MARCHF1: variants seen among roughly 807,000 people sequenced by gnomAD.
MARCHF1 encodes the protein membrane associated ring-CH-type finger 1.
Under a neutral mutation model 54.2 loss-of-function variants are expected in MARCHF1, and 40 were observed. The observed-to-expected ratio is 0.74, with a 90% CI of 0.57 to 0.96. The LOEUF (loss-of-function observed/expected upper bound fraction) is 0.96, where lower values mean the gene tolerates loss of function less well. MARCHF1 is among the 40% of genes least tolerant of loss of function. The pLI is 0.00. For synonymous variants in MARCHF1, 236 were observed against 236.3 expected, an observed-to-expected ratio of 1.00 and a Z score of 0.01; for missense variants, 586 against 656.5, an observed-to-expected ratio of 0.89 and a Z score of 1.17.
chr4:163,767,701 A>G (rs1487879844), intron 4 of MARCHF1, among the ~76,000 whole-genome samples: 2 of 152,076 alleles, frequency 1.3e-5, no homozygotes, highest in Admixed American at 1.3e-4. Context: ...TTATGTTCTG[A>G]TCTACCCTCA....
intron 2 of MARCHF1, among the ~76,000 whole-genome samples, chr4:164,002,813 T>C (rs183470490): frequency 6.6e-6 from 1 of 151,944 alleles, no homozygotes; most frequent in African/African-American, 2.4e-5. Context: ...TAAATAATGC[T>C]GGTGAGCAAA....
At chr4:163,542,110 G>A (rs530390989) in intron 9 of MARCHF1, among the ~76,000 whole-genome samples, 1 of 152,302 alleles carries the variant, frequency 6.6e-6, no homozygotes, top group African/African-American at 2.4e-5. Context: ...TAAAAATCAT[G>A]TCATTTTCAG....
At chr4:164,066,483 GAAATACCATTCAACCCAGA>G (rs1370030213) in intron 2 of MARCHF1, among the ~76,000 whole-genome samples, 20 of 152,124 alleles carry the variant, frequency 1.3e-4, no homozygotes, top group Admixed American at 1.3e-3. Flanking sequence ...CCTACAGACA[GAAATACCATTCAACCCAGA>G]AATCTAATTA....
At chr4:164,019,044 G>T (rs1437732880) in intron 2 of MARCHF1, among the ~76,000 whole-genome samples, 1 of 152,152 alleles carries the variant, frequency 6.6e-6, no homozygotes, top group Admixed American at 6.5e-5. Flanking sequence ...GTATCCTGGG[G>T]CTGATTAACA....
chr4:164,057,831 G>C (rs12648088), intron 2 of MARCHF1, among the ~76,000 whole-genome samples: 2 of 152,214 alleles, frequency 1.3e-5, no homozygotes, highest in East Asian at 3.9e-4. Flanking sequence ...AACACCCTTA[G>C]CTGACAAAAG....
intron 3 of MARCHF1, among the ~76,000 whole-genome samples, chr4:163,906,979 G>A (rs72999242): frequency 0.064 from 9,772 of 151,952 alleles, 637 homozygotes; most frequent in East Asian, 0.18. Context: ...CATTAATTGT[G>A]TTTAATATGT....
intron 2 of MARCHF1, among the ~76,000 whole-genome samples, chr4:164,053,829 A>T (rs1011317740): frequency 6.6e-6 from 1 of 152,226 alleles, no homozygotes; most frequent in East Asian, 1.9e-4. Context: ...GAAGACATTG[A>T]TCTGAAACAG....
At chr4:163,610,468 C>T (rs1055158382) in intron 7 of MARCHF1, among the ~76,000 whole-genome samples, 1 of 152,016 alleles carries the variant, frequency 6.6e-6, no homozygotes, top group South Asian at 2.1e-4. Flanking sequence ...GTAAGGAGAA[C>T]CAGTCACTAC....
intron 3 of MARCHF1, among the ~76,000 whole-genome samples, chr4:163,982,575 T>C (rs1752784796): frequency 6.6e-6 from 1 of 152,196 alleles, no homozygotes; most frequent in South Asian, 2.1e-4. Flanking sequence ...AAATATAGCT[T>C]AAACAATAAA....
rs150125820 is a variant in MARCHF1 at position 163,862,681 on chromosome 4, C to T, written c.-38-8512G>A. ...GTTTACTAATGAAGGTAAACATAAT[C>T]TTATCATACAATCCAGCAACTGCAC... On this transcript the variant is annotated intron_variant, in intron 3 of 9. Coordinates refer to ENST00000514618, the MANE Select transcript of MARCHF1 (RefSeq NM_001394959.1). 4.1e-3 allele frequency among the ~76,000 whole-genome samples: 623 copies of T among 152,112 alleles called. 3 individuals carry two copies. Among genetic ancestry groups the T allele is most frequent in the Non-Finnish European group, 7.3e-3 (493 of 67,920 alleles).
chr4:163,720,527 A>G (rs1019968715), intron 4 of MARCHF1, among the ~76,000 whole-genome samples: 3 of 152,168 alleles, frequency 2.0e-5, no homozygotes, highest in African/African-American at 7.2e-5. Context: ...TTTTGGTTCC[A>G]TATGAACTTT....
chr4:163,709,949 A>G (rs1266091588), intron 4 of MARCHF1, among the ~76,000 whole-genome samples: 1 of 152,228 alleles, frequency 6.6e-6, no homozygotes, highest in Non-Finnish European at 1.5e-5. Flanking sequence ...GATGTGCTAG[A>G]AAGATAATAA....
At chr4:164,153,381 C>T (rs1323873718) in intron 1 of MARCHF1, among the ~76,000 whole-genome samples, 1 of 152,034 alleles carries the variant, frequency 6.6e-6, no homozygotes, top group African/African-American at 2.4e-5. Flanking sequence ...AACTCAAGTA[C>T]CCATCCAGTG....
At chr4:163,818,297 G>A (rs1748598459) in intron 4 of MARCHF1, among the ~76,000 whole-genome samples, 1 of 151,620 alleles carries the variant, frequency 6.6e-6, no homozygotes. Context: ...ATACCTACAG[G>A]ATGTACAGAT....
At chr4:164,185,191 T>A (rs1189447273) in intron 1 of MARCHF1, among the ~76,000 whole-genome samples, 2 of 152,224 alleles carry the variant, frequency 1.3e-5, no homozygotes, top group African/African-American at 4.8e-5. Flanking sequence ...AAACCTCAAC[T>A]CTGATGGTGA....
chr4:163,619,331 T>A (rs1359756589), intron 5 of MARCHF1, among the ~76,000 whole-genome samples: 2 of 152,070 alleles, frequency 1.3e-5, no homozygotes, highest in Non-Finnish European at 2.9e-5. Context: ...CAGGATGCAG[T>A]GAGGATGGAG....
intron 1 of MARCHF1, among the ~76,000 whole-genome samples, chr4:164,339,208 C>T (rs1158686318): frequency 2.0e-5 from 3 of 152,164 alleles, no homozygotes; most frequent in African/African-American, 7.2e-5. Flanking sequence ...ACTTGAACTA[C>T]ACTTTAAACC....
At chr4:163,856,608 C>G (rs1749773072) in intron 3 of MARCHF1, among the ~76,000 whole-genome samples, 1 of 152,144 alleles carries the variant, frequency 6.6e-6, no homozygotes, top group Non-Finnish European at 1.5e-5. Flanking sequence ...CATTTCATAT[C>G]CAAGAGATAA....
chr4:164,185,788 TCACA>T (rs201883110), intron 1 of MARCHF1, among the ~76,000 whole-genome samples: 2 of 144,676 alleles, frequency 1.4e-5, no homozygotes, highest in East Asian at 2.0e-4. Flanking sequence ...TTAAAACTAG[TCACA>T]CACACACACA....
Sources: allele counts gnomAD v4.1 joint callset (sites outside exome capture counted in the v4.1 genomes callset), GRCh38; gene constraint gnomAD v4.1.1; transcripts MANE v1.5; gene names NCBI Gene and HGNC (gene_info 2026-07-23, HGNC 2026-07-21).